Variants in PTPRD observed in about 807,000 individuals in gnomAD.
The protein encoded by PTPRD is protein tyrosine phosphatase receptor type D.
PTPRD carries 34 observed loss-of-function variants against 214.5 expected under a neutral mutation model. The ratio of observed to expected loss-of-function variants is 0.16; its 90% CI spans 0.12 to 0.21. The LOEUF (loss-of-function observed/expected upper bound fraction) is 0.21. Ranked by LOEUF, PTPRD falls within the 10% of genes least tolerant of loss-of-function variation. The pLI, the probability that PTPRD is intolerant of heterozygous loss-of-function variation, is 1.00. For synonymous variants in PTPRD, 1,128 were observed against 845.7 expected, an observed-to-expected ratio of 1.33 and a Z score of -5.79; for missense variants, 2,545 against 2,398.7, an observed-to-expected ratio of 1.06 and a Z score of -1.27.
chr9:8,366,839 G>T (rs994769247), intron 39 of PTPRD, among the ~76,000 whole-genome samples: 4 of 152,316 alleles, frequency 2.6e-5, no homozygotes, highest in Non-Finnish European at 5.9e-5. Flanking sequence ...CAAAAGACTA[G>T]CATTTATCAA....
chr9:10,033,199 G>A (rs2097114718), intron 4 of PTPRD, among the ~76,000 whole-genome samples: 1 of 151,592 alleles, frequency 6.6e-6, no homozygotes, highest in Non-Finnish European at 1.5e-5. Context: ...CAAATGGGGA[G>A]GCGTGTTGCT....
intron 7 of PTPRD, among the ~76,000 whole-genome samples, chr9:9,727,884 C>T (rs534268714): frequency 1.1e-4 from 17 of 152,114 alleles, no homozygotes; most frequent in Non-Finnish European, 2.1e-4. Context: ...ATTGAATAAA[C>T]TTTATAGAGG....
chr9:9,679,952 C>T (rs1256575119), intron 7 of PTPRD, among the ~76,000 whole-genome samples: 2 of 151,738 alleles, frequency 1.3e-5, no homozygotes, highest in Admixed American at 1.3e-4. Flanking sequence ...GCAAAACTGC[C>T]ATAAGTGTAT....
intron 5 of PTPRD, among the ~76,000 whole-genome samples, chr9:9,839,933 T>C (rs959587006): frequency 1.3e-5 from 2 of 152,088 alleles, no homozygotes; most frequent in Non-Finnish European, 2.9e-5. Context: ...CACACACAAG[T>C]TGAAAATTTG....
intron 9 of PTPRD, among the ~76,000 whole-genome samples, chr9:9,334,173 T>A (rs1052983979): frequency 1.3e-5 from 2 of 152,000 alleles, no homozygotes; most frequent in African/African-American, 4.8e-5. Flanking sequence ...TAAGTCTCAC[T>A]CCAAAATGAT....
At chr9:9,482,184 T>G (rs1301506971) in intron 8 of PTPRD, among the ~76,000 whole-genome samples, 1 of 152,050 alleles carries the variant, frequency 6.6e-6, no homozygotes, top group East Asian at 1.9e-4. Flanking sequence ...TGCTGGAAAT[T>G]TTAATAGACA....
chr9:8,541,033 C>T (rs888761053), intron 14 of PTPRD, among the ~76,000 whole-genome samples: 5 of 152,076 alleles, frequency 3.3e-5, no homozygotes, highest in Admixed American at 6.6e-5. Context: ...AAACATCAAA[C>T]ATCACATATA....
At position 8,485,929 on chromosome 9, in the gene PTPRD, A is replaced by C. The variant is rs768146360; in HGVS notation, c.2888T>G (p.Ile963Ser). 18 of 1,614,056 alleles carry C rather than the reference A, an allele frequency of 1.1e-5. No individual in the cohort carries two copies. The highest frequency in any genetic ancestry group is 1.5e-5 in the Non-Finnish European group (18 of 1,179,994). ...KYTLLYRDIN[I>S]PLLPMEQLIV... ...AAGCTGCTCCATCGGGAGAAGGGGG[A>C]TGTTGATATCCCTATAAAGAAGGGT... Residue 963 changes from isoleucine (I) to serine (S), a missense_variant, in exon 28 of 46, where the codon ATC (isoleucine) becomes AGC (serine). By Grantham distance (142) the Ile-to-Ser change is moderately radical. Transcript: ENST00000381196.
At chr9:9,644,859 T>G (rs1370137569) in intron 7 of PTPRD, among the ~76,000 whole-genome samples, 10 of 152,088 alleles carry the variant, frequency 6.6e-5, no homozygotes, top group Admixed American at 6.5e-4. Context: ...CTTTTCCCAC[T>G]TCACCCCCTT....
chr9:9,478,634 G>C (rs568549352), intron 8 of PTPRD, among the ~76,000 whole-genome samples: 1 of 152,158 alleles, frequency 6.6e-6, no homozygotes. Flanking sequence ...CTATCCCAAA[G>C]AGTTAGCCTT....
At chr9:10,130,683 A>G (rs1460017146) in intron 3 of PTPRD, among the ~76,000 whole-genome samples, 1 of 152,178 alleles carries the variant, frequency 6.6e-6, no homozygotes, top group Non-Finnish European at 1.5e-5. Context: ...GTAAATCATT[A>G]CTGAATGACA....
chr9:10,268,532 T>C (rs1394592302), intron 3 of PTPRD, among the ~76,000 whole-genome samples: 1 of 152,152 alleles, frequency 6.6e-6, no homozygotes, highest in East Asian at 1.9e-4. Context: ...CAAGTAACTT[T>C]TGATCCTTCT....
intron 4 of PTPRD, among the ~76,000 whole-genome samples, chr9:10,017,193 T>C (rs891731091): frequency 6.6e-6 from 1 of 152,194 alleles, no homozygotes; most frequent in Non-Finnish European, 1.5e-5. Context: ...ATATTAATTA[T>C]TGTGTTTAAT....
At chr9:10,250,145 A>T (rs916173679) in intron 3 of PTPRD, among the ~76,000 whole-genome samples, 2 of 152,194 alleles carry the variant, frequency 1.3e-5, no homozygotes, top group South Asian at 2.1e-4. Flanking sequence ...CCTTTAGCAC[A>T]GCATAAAGTG....
At position 9,900,641 on chromosome 9, in the gene PTPRD, G is replaced by GTTTTTTTTTTTTTTTTTT. The variant is rs1555302230; in HGVS notation, c.-368+37865_-368+37866insAAAAAAAAAAAAAAAAAA. On this transcript the variant is annotated intron_variant, in intron 5 of 45. Transcript: ENST00000381196. ...TCCAAAGGTGCTTCCACATTTTCAG[G>GTTTTTTTTTTTTTTTTTT]TTTTTTTTTTTTTTGAGATGGAGTC... Among the ~76,000 whole-genome samples, 492 of 119,956 alleles carry GTTTTTTTTTTTTTTTTTT rather than the reference G, an allele frequency of 4.1e-3. 30 individuals carry two copies. Among genetic ancestry groups the GTTTTTTTTTTTTTTTTTT allele is most frequent in the African/African-American group, 0.012 (399 of 31,980 alleles). The allele number at this position is 119,956 out of a possible 152,430, so 78.7% of individuals were successfully genotyped here. A position where few individuals can be genotyped will look rare whatever the true frequency, so the allele number is the denominator to read the frequency against.
At chr9:9,374,859 C>T (rs2060378882) in intron 9 of PTPRD, among the ~76,000 whole-genome samples, 1 of 152,100 alleles carries the variant, frequency 6.6e-6, no homozygotes, top group East Asian at 1.9e-4. Flanking sequence ...TAAGACCAAT[C>T]ATGAAAGAAA....
Position 10,186,316 on chromosome 9 carries a change from C to T in PTPRD, c.-544-152526G>A, listed in dbSNP as rs558846933. 3.9e-5 allele frequency among the ~76,000 whole-genome samples: 6 copies of T among 152,114 alleles called. No homozygotes were observed. In the South Asian group the frequency reaches 1.2e-3, roughly 32 times the overall value. On this transcript the variant is annotated intron_variant, in intron 3 of 45. Transcript: ENST00000381196. ...TTAAATTTATATGATCAATCTTTTG[C>T]TTTTAATTTATTGTTGTATAGATTA...
chr9:8,518,072 T>G lies in PTPRD; in HGVS notation c.1319A>C (p.Glu440Ala). 1 of 1,614,200 alleles carries G rather than the reference T, an allele frequency of 6.2e-7. No individual in the cohort carries two copies. The highest frequency in any genetic ancestry group is 1.1e-5 in the South Asian group (1 of 91,082). Reference sequence around the variant, plus strand: ...GATCTGTCCATTTGGCTCTTCAGGTTCCTTCCACTGTACCAAAATGGTGGT... The same window carrying G: ...GATCTGTCCATTTGGCTCTTCAGGTGCCTTCCACTGTACCAAAATGGTGGT... Reference protein sequence around the residue: ...SSTTILVQWKEPEEPNGQIQG... With the variant: ...SSTTILVQWKAPEEPNGQIQG... The change falls in exon 21 of 46, where the codon GAA (glutamate) becomes GCA (alanine). Residue 440 changes from glutamate to alanine, a missense_variant. By Grantham distance (107) the Glu-to-Ala change is moderately radical (BLOSUM62 -1). Coordinates refer to ENST00000381196, the MANE Select transcript of PTPRD (RefSeq NM_002839.4).
intron 2 of PTPRD, among the ~76,000 whole-genome samples, chr9:10,399,656 G>C (rs2098236869): frequency 2.0e-5 from 3 of 151,876 alleles, no homozygotes; most frequent in African/African-American, 7.2e-5. Flanking sequence ...GTGGAGGCTT[G>C]TTCAGAGAAA....
Sources: allele counts gnomAD v4.1 joint callset (sites outside exome capture counted in the v4.1 genomes callset), GRCh38; gene constraint gnomAD v4.1.1; transcripts MANE v1.5; gene names NCBI Gene and HGNC (gene_info 2026-07-23, HGNC 2026-07-21).